RBFOX1: variants seen among roughly 807,000 people sequenced by gnomAD.
The protein encoded by RBFOX1 is RNA binding protein fox-1 homolog 1.
In RBFOX1, 8 loss-of-function variants were observed where a neutral mutation model predicts 57.7. The ratio of observed to expected loss-of-function variants is 0.14; its 90% CI spans 0.08 to 0.25. The LOEUF is 0.25. Ranked by LOEUF, RBFOX1 falls within the 10% of genes least tolerant of loss-of-function variation. RBFOX1 has a pLI of 1.00. For synonymous variants in RBFOX1, 326 were observed against 222.4 expected, an observed-to-expected ratio of 1.47 and a Z score of -4.15; for missense variants, 611 against 548.5, an observed-to-expected ratio of 1.11 and a Z score of -1.14.
In RBFOX1 at chr16:6,358,026, A is replaced by T. The variant is rs187760577; in HGVS notation, c.-64+40969A>T. Among the ~76,000 whole-genome samples the T allele has an allele frequency of 1.4e-4, 21 of 152,250 alleles. No homozygotes were observed. In the East Asian group the frequency reaches 3.7e-3, roughly 27 times the overall value. Reference sequence around the variant, plus strand: ...TTTGGAAATTTCAATGGTTGTGTCAAAGCAACCTGAAGTTTCGGCTTCATC... The same window carrying T: ...TTTGGAAATTTCAATGGTTGTGTCATAGCAACCTGAAGTTTCGGCTTCATC... On this transcript the variant is annotated intron_variant, in intron 2 of 15. Transcript: ENST00000550418.
intron 4 of RBFOX1, among the ~76,000 whole-genome samples, chr16:7,285,358 C>T (rs2095629157): frequency 6.6e-6 from 1 of 151,260 alleles, no homozygotes. Flanking sequence ...TTCAAATTTC[C>T]CCAATGTTAC....
intron 2 of RBFOX1, among the ~76,000 whole-genome samples, chr16:6,551,460 G>T (rs1023696301): frequency 6.6e-6 from 1 of 152,312 alleles, no homozygotes; most frequent in East Asian, 1.9e-4. Context: ...ATTTTACGCT[G>T]TCTAACATAA....
chr16:6,227,642 C>T (rs2097428045), intron 1 of RBFOX1, among the ~76,000 whole-genome samples: 1 of 152,144 alleles, frequency 6.6e-6, no homozygotes, highest in Admixed American at 6.5e-5. Flanking sequence ...GGGCAGCCAT[C>T]TATGACCATG....
chr16:7,646,568 C>T (rs1218874410), intron 11 of RBFOX1, among the ~76,000 whole-genome samples: 2 of 152,244 alleles, frequency 1.3e-5, no homozygotes, highest in Non-Finnish European at 2.9e-5. Flanking sequence ...CCCCCTCATC[C>T]ATTCGGATGC....
At chr16:5,954,426 C>T (rs906332672) in intron 4 of RBFOX1, among the ~76,000 whole-genome samples, 1 of 152,024 alleles carries the variant, frequency 6.6e-6, no homozygotes, top group Non-Finnish European at 1.5e-5. Context: ...AGCATTAAAC[C>T]CAGCAGAAAA....
At chr16:7,695,246 G>A (rs1195579557) in intron 14 of RBFOX1, among the ~76,000 whole-genome samples, 1 of 152,188 alleles carries the variant, frequency 6.6e-6, no homozygotes, top group Non-Finnish European at 1.5e-5. Context: ...CATGAAAAAG[G>A]AGACACCCAT....
At chr16:6,462,595 C>A (rs1335094443) in intron 2 of RBFOX1, among the ~76,000 whole-genome samples, 1 of 151,918 alleles carries the variant, frequency 6.6e-6, no homozygotes, top group African/African-American at 2.4e-5. Context: ...GCACGTATTT[C>A]TTTCATTTTG....
intron 3 of RBFOX1, among the ~76,000 whole-genome samples, chr16:7,026,662 A>G (rs1388056589): frequency 1.3e-5 from 2 of 152,172 alleles, no homozygotes; most frequent in Non-Finnish European, 2.9e-5. Context: ...TGAAACAACC[A>G]GAAATACTGT....
At chr16:5,569,223 G>A (rs1048675259) in intron 2 of RBFOX1, among the ~76,000 whole-genome samples, 5 of 151,930 alleles carry the variant, frequency 3.3e-5, no homozygotes, top group African/African-American at 9.7e-5. Context: ...GTGGAGCCGG[G>A]TAAAATGTCT....
chr16:6,275,185 C>T (rs1263768925), intron 1 of RBFOX1, among the ~76,000 whole-genome samples: 1 of 151,890 alleles, frequency 6.6e-6, no homozygotes, highest in Non-Finnish European at 1.5e-5. Context: ...GTGGCGGGCG[C>T]CTGTAGTCCC....
At chr16:6,699,014 A>C (rs1406418697) in intron 3 of RBFOX1, among the ~76,000 whole-genome samples, 1 of 152,204 alleles carries the variant, frequency 6.6e-6, no homozygotes, top group Non-Finnish European at 1.5e-5. Flanking sequence ...TGTTCTTGGT[A>C]CACATTAGGT....
intron 3 of RBFOX1, among the ~76,000 whole-genome samples, chr16:6,716,030 A>G (rs71374908): frequency 0.095 from 14,512 of 152,088 alleles, 1,033 homozygotes; most frequent in African/African-American, 0.2. Context: ...TAAAGAAGCC[A>G]CTTACGGTTT....
intron 4 of RBFOX1, among the ~76,000 whole-genome samples, chr16:7,130,774 C>A (rs114101054): frequency 2.6e-5 from 4 of 152,106 alleles, no homozygotes; most frequent in Non-Finnish European, 4.4e-5. Context: ...TAAATTTTGT[C>A]AACGCATTTC....
At chr16:7,570,480 G>A (rs5028449) in intron 5 of RBFOX1, among the ~76,000 whole-genome samples, 1 of 151,982 alleles carries the variant, frequency 6.6e-6, no homozygotes, top group East Asian at 1.9e-4. Context: ...GAAACTGGAT[G>A]AGTAAGGACT....
At chr16:6,483,636 C>T in intron 2 of RBFOX1, 1 of 1,418,380 alleles carries the variant, frequency 7.1e-7, no homozygotes, top group Non-Finnish European at 9.3e-7. Context: ...CAGGCAGCTT[C>T]TGCAGAGGCT....
chr16:7,563,997 A>G (rs1372967470), intron 5 of RBFOX1, among the ~76,000 whole-genome samples: 2 of 152,152 alleles, frequency 1.3e-5, no homozygotes, highest in Non-Finnish European at 2.9e-5. Context: ...CCCAGGACAA[A>G]CAATGCTTCT....
intron 4 of RBFOX1, among the ~76,000 whole-genome samples, chr16:5,876,142 C>G (rs1444073008): frequency 6.6e-6 from 1 of 152,088 alleles, no homozygotes; most frequent in Non-Finnish European, 1.5e-5. Flanking sequence ...CGCGCCCGGC[C>G]TATCCCACAA....
chr16:5,891,186 G>C (rs4786787), intron 4 of RBFOX1, among the ~76,000 whole-genome samples: 3,278 of 147,048 alleles, frequency 0.022, 132 homozygotes, highest in East Asian at 0.16. Context: ...GCTTCAGAAA[G>C]TGTAAACCCC....
chr16:6,649,219 C>A (rs2154081596), intron 2 of RBFOX1, among the ~76,000 whole-genome samples: 1 of 152,276 alleles, frequency 6.6e-6, no homozygotes. Flanking sequence ...CTAGCTCATT[C>A]AACTTAACAC....
Sources: allele counts gnomAD v4.1 joint callset (sites outside exome capture counted in the v4.1 genomes callset), GRCh38; gene constraint gnomAD v4.1.1; transcripts MANE v1.5; gene names NCBI Gene and HGNC (gene_info 2026-07-23, HGNC 2026-07-21).